Variants in DHRSX observed in about 807,000 individuals in gnomAD.
DHRSX encodes polyprenol dehydrogenase.
Under a neutral mutation model 34.0 loss-of-function variants are expected in DHRSX, and 31 were observed. The ratio of observed to expected loss-of-function variants is 0.91; its 90% confidence interval spans 0.69 to 1.23. The LOEUF (loss-of-function observed/expected upper bound fraction) is 1.23. Ranked by LOEUF, DHRSX falls within the 50% of genes most tolerant of loss-of-function variation. DHRSX has a pLI of 0.00. For missense variants in DHRSX, 414 were observed against 428.1 expected, an observed-to-expected ratio of 0.97 and a Z score of 0.29; for synonymous variants, 201 against 183.8, an observed-to-expected ratio of 1.09 and a Z score of -0.76.
intron 3 of DHRSX, among the ~76,000 whole-genome samples, chrX:2,303,857 ATGGG>A (rs2042051004): frequency 3.3e-5 from 4 of 121,722 alleles, no homozygotes; most frequent in South Asian, 3.2e-4. Flanking sequence ...GGATGGGTGG[ATGGG>A]TGGATGGGTG....
chrX:2,284,117 C>G (rs1442477790), intron 4 of DHRSX, among the ~76,000 whole-genome samples: 1 of 152,030 alleles, frequency 6.6e-6, no homozygotes, highest in Non-Finnish European at 1.5e-5. Context: ...CCCTTGAATT[C>G]ATTCAGATTC....
chrX:2,371,668 TCCCTCCTCCTCCCATTATCACCGC>T (rs1229155054), intron 3 of DHRSX, among the ~76,000 whole-genome samples: 43,695 of 142,802 alleles, frequency 0.31, 9,000 homozygotes, highest in Non-Finnish European at 0.43. Flanking sequence ...CTTACCATAG[TCCCTCCTCCTCCCATTATCACCGC>T]CCCTCCTCCT....
intron 5 of DHRSX, among the ~76,000 whole-genome samples, chrX:2,262,082 G>C (rs1422558112): frequency 6.6e-6 from 1 of 152,114 alleles, no homozygotes; most frequent in African/African-American, 2.4e-5. Context: ...GCCCCGAGTG[G>C]GCATCAGGGA....
At position 2,488,769 on chromosome X, in the gene DHRSX, C is replaced by T. The variant is rs200152606; in HGVS notation, c.109+12048G>A. Reference sequence around the variant, plus strand: ...GGTTCCGCCTCTGCCCCACTCCGGGCGTTCTCATACAGAAACACCTGCTCG... The same window carrying T: ...GGTTCCGCCTCTGCCCCACTCCGGGTGTTCTCATACAGAAACACCTGCTCG... On this transcript the variant is annotated intron_variant, in intron 1 of 6. Coordinates refer to ENST00000334651, the MANE Select transcript of DHRSX (RefSeq NM_145177.3). 3.2e-5 allele frequency: 52 copies of T among 1,613,974 alleles called. No individual in the cohort carries two copies. The Middle Eastern group carries it at 5.0e-4, about 15-fold the overall frequency.
chrX:2,314,322 G>A (rs1359128371), intron 3 of DHRSX, among the ~76,000 whole-genome samples: 1 of 35,830 alleles, frequency 2.8e-5, no homozygotes. Context: ...GAGGCAGGGA[G>A]GGAAGGAGGG....
intron 1 of DHRSX, among the ~76,000 whole-genome samples, chrX:2,465,403 AAAG>A (rs1409593530): frequency 6.6e-6 from 1 of 152,158 alleles, no homozygotes; most frequent in Non-Finnish European, 1.5e-5. Context: ...CAATCACGCC[AAAG>A]AAGACCTGTT....
intron 5 of DHRSX, among the ~76,000 whole-genome samples, chrX:2,262,467 A>C (rs190488703): frequency 1.3e-4 from 20 of 152,210 alleles, no homozygotes; most frequent in South Asian, 2.1e-4. Context: ...ACGGGCACAA[A>C]GACCTCATCT....
At chrX:2,292,804 T>A (rs1240350367) in intron 3 of DHRSX, among the ~76,000 whole-genome samples, 1 of 151,938 alleles carries the variant, frequency 6.6e-6, no homozygotes, top group Admixed American at 6.6e-5. Flanking sequence ...ATGGATCCCT[T>A]GCTACAGATA....
chrX:2,459,394 C>T (rs2044364623), intron 1 of DHRSX, among the ~76,000 whole-genome samples: 1 of 151,556 alleles, frequency 6.6e-6, no homozygotes. Flanking sequence ...TTAATTAGGT[C>T]AATGGTTAAT....
intron 3 of DHRSX, among the ~76,000 whole-genome samples, chrX:2,403,102 C>T (rs2043507858): frequency 1.3e-5 from 2 of 151,966 alleles, no homozygotes. Flanking sequence ...AGGCTGGTCT[C>T]GAACTCCTGA....
At chrX:2,452,067 A>G (rs1420312126) in intron 1 of DHRSX, among the ~76,000 whole-genome samples, 2 of 151,862 alleles carry the variant, frequency 1.3e-5, no homozygotes, top group African/African-American at 2.4e-5. Context: ...TTCACTAAGC[A>G]GGTGACTAAG....
At chrX:2,253,954 G>A (rs2016501451) in intron 5 of DHRSX, among the ~76,000 whole-genome samples, 2 of 152,190 alleles carry the variant, frequency 1.3e-5, no homozygotes, top group South Asian at 2.1e-4. Flanking sequence ...CCAGCTACTC[G>A]GGAGGTTGAG....
intron 6 of DHRSX, among the ~76,000 whole-genome samples, chrX:2,222,128 CTTGA>C (rs2030278442): frequency 6.6e-6 from 1 of 152,196 alleles, no homozygotes; most frequent in South Asian, 2.1e-4. Flanking sequence ...ATGCATTGAT[CTTGA>C]ACTTCCAGCC....
At chrX:2,294,992 TC>T (rs1201597073) in intron 3 of DHRSX, among the ~76,000 whole-genome samples, 3 of 152,144 alleles carry the variant, frequency 2.0e-5, no homozygotes, top group African/African-American at 7.2e-5. Context: ...GTAAATTAGT[TC>T]AACCATTGTG....
intron 3 of DHRSX, among the ~76,000 whole-genome samples, chrX:2,377,870 C>G (rs1015810496): frequency 2.0e-5 from 3 of 152,058 alleles, no homozygotes; most frequent in African/African-American, 7.2e-5. Context: ...TCCTGAGTAG[C>G]TGGGACTACA....
intron 3 of DHRSX, 88 bp from the exon 4 acceptor site, chrX:2,291,691 T>G: frequency 1.0e-6 from 1 of 969,068 alleles, no homozygotes; most frequent in Non-Finnish European, 1.7e-6. Context: ...CAAACTCAAT[T>G]TCATCTAGGA....
intron 6 of DHRSX, among the ~76,000 whole-genome samples, chrX:2,238,835 T>C (rs946207377): frequency 6.6e-6 from 1 of 151,926 alleles, no homozygotes; most frequent in Non-Finnish European, 1.5e-5. Flanking sequence ...TCCACTCACC[T>C]TGGCCTCCCA....
chrX:2,320,883 C>T (rs188610715), intron 3 of DHRSX, among the ~76,000 whole-genome samples: 16 of 152,116 alleles, frequency 1.1e-4, no homozygotes, highest in Non-Finnish European at 1.3e-4. Flanking sequence ...GCAGCCATGA[C>T]GTGTCGGTCC....
rs866045142 is a variant in DHRSX, at chrX:2,314,242, G to T, written c.287-22639C>A. 8.1e-4 allele frequency among the ~76,000 whole-genome samples: 14 copies of T among 17,320 alleles called. 1 individual carries two copies. The highest frequency in any genetic ancestry group is 1.3e-3 in the African/African-American group (5 of 3,728). 11.4% of individuals were successfully genotyped at this position (17,320 alleles called of 152,430 possible). A position where few individuals can be genotyped will look rare whatever the true frequency, so the allele number is the denominator to read the frequency against. On this transcript the variant is annotated intron_variant, in intron 3 of 6. Coordinates refer to ENST00000334651, the MANE Select transcript of DHRSX (RefSeq NM_145177.3). ...GGAGGGAAGGAAGGGAGGGAGGGAA[G>T]GAAGGGAGGGAAGGAGGGAATGAAG...
Sources: allele counts gnomAD v4.1 joint callset (sites outside exome capture counted in the v4.1 genomes callset), GRCh38; gene constraint gnomAD v4.1.1; transcripts MANE v1.5; gene names NCBI Gene and HGNC (gene_info 2026-07-23, HGNC 2026-07-21).